PLCG2: variants seen among roughly 807,000 people sequenced by gnomAD.
PLCG2 encodes the protein 1-phosphatidylinositol 4,5-bisphosphate phosphodiesterase gamma-2.
In PLCG2, 69 loss-of-function variants were observed where a neutral mutation model predicts 175.6. The observed-to-expected ratio is 0.39, with a 90% CI of 0.32 to 0.48. The LOEUF (loss-of-function observed/expected upper bound fraction) is 0.48. Ranked by LOEUF, PLCG2 falls within the 20% of genes least tolerant of loss-of-function variation. The pLI, the probability that PLCG2 is intolerant of heterozygous loss-of-function variation, is 0.91. For missense variants in PLCG2, 1,798 were observed against 1,650.9 expected (o/e 1.09, Z -1.54); for synonymous variants, 827 against 624.0 (o/e 1.33, Z -4.85).
intron 2 of PLCG2, among the ~76,000 whole-genome samples, chr16:81,769,685 T>A (rs1910232055): frequency 6.6e-6 from 1 of 150,662 alleles, no homozygotes; most frequent in Non-Finnish European, 1.5e-5. Context: ...CCGGGCGTAG[T>A]GGCGGGCGCC....
chr16:81,859,555 G>T (rs1906856860), intron 5 of PLCG2, among the ~76,000 whole-genome samples: 1 of 150,242 alleles, frequency 6.7e-6, no homozygotes, highest in South Asian at 2.1e-4. Flanking sequence ...TTTTTTTTGA[G>T]ACGGAGTCTC....
chr16:81,807,229 C>G (rs1224004901), intron 2 of PLCG2, among the ~76,000 whole-genome samples: 1 of 152,086 alleles, frequency 6.6e-6, no homozygotes, highest in Admixed American at 6.5e-5. Context: ...TGTCCTCCTC[C>G]TACATCAGGA....
chr16:81,879,256 A>T (rs899647489), intron 7 of PLCG2, among the ~76,000 whole-genome samples: 1 of 152,214 alleles, frequency 6.6e-6, no homozygotes, highest in Non-Finnish European at 1.5e-5. Flanking sequence ...TGATGCCTTC[A>T]GCAGCAGGCT....
intron 17 of PLCG2, 57 bp downstream of exon 17, chr16:81,908,648 A>C (rs1183705234): frequency 6.1e-6 from 9 of 1,476,312 alleles, no homozygotes; most frequent in Non-Finnish European, 8.3e-6. Context: ...CCGATGAGGC[A>C]GGGTGGCGAG....
At chr16:81,828,909 C>G (rs1905149308) in intron 2 of PLCG2, among the ~76,000 whole-genome samples, 2 of 152,136 alleles carry the variant, frequency 1.3e-5, no homozygotes, top group South Asian at 2.1e-4. Context: ...GAGGCTGTAT[C>G]TTACCAACTG....
Position 81,960,708 on chromosome 16 carries a change from C to T in PLCG2, c.*2710C>T, listed in dbSNP as rs940604099. The T allele has an allele frequency of 3.1e-5, 7 of 229,156 alleles. No homozygotes were observed. The East Asian group carries it at 3.1e-4, about 10-fold the overall frequency. 14.2% of individuals were successfully genotyped at this position (229,156 alleles called of 1,614,324 possible). A position where few individuals can be genotyped will look rare whatever the true frequency, so the allele number is the denominator to read the frequency against. On this transcript the variant is annotated 3_prime_UTR_variant, in exon 33 of 33. Coordinates refer to ENST00000564138, the MANE Select transcript of PLCG2 (RefSeq NM_002661.5). Reference sequence around the variant, plus strand: ...CCTACTGCTCTATTAAGAAGGCAGCCGGACAACATGTTCTAATACTTCGTA... The same window carrying T: ...CCTACTGCTCTATTAAGAAGGCAGCTGGACAACATGTTCTAATACTTCGTA...
At chr16:81,789,246 C>T (rs956151248) in intron 2 of PLCG2, among the ~76,000 whole-genome samples, 5 of 152,232 alleles carry the variant, frequency 3.3e-5, no homozygotes, top group East Asian at 1.9e-4. Context: ...GTCATTCTCC[C>T]CTTCTGCTGA....
intron 22 of PLCG2, 105 bp from the exon 23 acceptor site, chr16:81,926,977 G>A: frequency 6.7e-6 from 5 of 748,172 alleles, no homozygotes; most frequent in Admixed American, 1.9e-5. Context: ...GCCACTTGCT[G>A]TCTGTCCCCA....
intron 18 of PLCG2, among the ~76,000 whole-genome samples, chr16:81,911,896 C>T (rs1408704814): frequency 5.1e-5 from 7 of 136,576 alleles, no homozygotes; most frequent in Non-Finnish European, 9.1e-5. Flanking sequence ...CTCCTGGGTT[C>T]AAGTGATTCT....
intron 9 of PLCG2, among the ~76,000 whole-genome samples, chr16:81,884,373 C>T (rs1908248351): frequency 6.6e-6 from 1 of 151,768 alleles, no homozygotes; most frequent in South Asian, 2.1e-4. Context: ...ACAAAAACAC[C>T]CCCACCCCAC....
At chr16:81,743,795 T>C (rs554465016) in intron 1 of PLCG2, among the ~76,000 whole-genome samples, 1 of 152,220 alleles carries the variant, frequency 6.6e-6, no homozygotes, top group East Asian at 1.9e-4. Flanking sequence ...TTGGAGCCCC[T>C]TGATCCAGCT....
At chr16:81,804,668 G>A (rs1280292671) in intron 2 of PLCG2, among the ~76,000 whole-genome samples, 1 of 152,198 alleles carries the variant, frequency 6.6e-6, no homozygotes, top group East Asian at 1.9e-4. Context: ...ATCATTTCAA[G>A]GTTTAACGCC....
intron 5 of PLCG2, among the ~76,000 whole-genome samples, chr16:81,863,158 A>G (rs1005589436): frequency 2.6e-5 from 4 of 152,192 alleles, no homozygotes; most frequent in South Asian, 2.1e-4. Flanking sequence ...AGAACTTTTT[A>G]TCATCTCAAA....
intron 9 of PLCG2, among the ~76,000 whole-genome samples, chr16:81,884,480 A>C (rs1478634720): frequency 6.6e-6 from 1 of 151,758 alleles, no homozygotes; most frequent in Non-Finnish European, 1.5e-5. Flanking sequence ...AAATCATCTT[A>C]CCAGCTGCAC....
chr16:81,827,053 A>G (rs1220122323), intron 2 of PLCG2, among the ~76,000 whole-genome samples: 2 of 152,130 alleles, frequency 1.3e-5, no homozygotes, highest in Admixed American at 1.3e-4. Flanking sequence ...GCAGATTCCT[A>G]AGCCCCATGA....
intron 2 of PLCG2, among the ~76,000 whole-genome samples, chr16:81,826,422 C>T (rs1307559533): frequency 2.0e-5 from 3 of 152,210 alleles, no homozygotes; most frequent in Non-Finnish European, 4.4e-5. Flanking sequence ...CAGCTCTGCA[C>T]TTACCAGTGT....
intron 2 of PLCG2, among the ~76,000 whole-genome samples, chr16:81,805,490 C>G (rs1262905812): frequency 7.2e-6 from 1 of 139,158 alleles, no homozygotes; most frequent in Admixed American, 7.2e-5. Context: ...CAGAGCGAGA[C>G]TCCATCTCAG....
intron 4 of PLCG2, 86 bp downstream of exon 4, chr16:81,858,442 A>G (rs913519721): frequency 1.1e-5 from 4 of 372,438 alleles, no homozygotes; most frequent in Admixed American, 4.0e-5. Context: ...AGGGGGGAAA[A>G]AAAAAAAAAG....
At chr16:81,837,780 G>C (rs775539041) in intron 2 of PLCG2, among the ~76,000 whole-genome samples, 2 of 146,286 alleles carry the variant, frequency 1.4e-5, no homozygotes, top group Non-Finnish European at 3.0e-5. Flanking sequence ...TGTAAGAAAT[G>C]ATACAGAGAG....
Sources: gnomAD v4.1 joint callset for allele counts (sites outside exome capture counted in the v4.1 genomes callset) on GRCh38, gnomAD v4.1.1 for gene constraint, MANE v1.5 for transcripts, NCBI Gene and HGNC (gene_info 2026-07-23, HGNC 2026-07-21) for gene names.